Variants in WWOX observed in about 807,000 individuals in gnomAD.
WWOX encodes WW domain containing oxidoreductase.
WWOX carries 69 observed loss-of-function variants against 46.2 expected under a neutral mutation model. The ratio of observed to expected loss-of-function variants is 1.49; its 90% CI spans 1.23 to 1.82. The LOEUF is 1.82. WWOX is among the 40% of genes most tolerant of loss of function. The pLI is 0.00. For missense variants in WWOX, 919 were observed against 542.6 expected, an observed-to-expected ratio of 1.69 and a Z score of -6.89; for synonymous variants, 359 against 202.6, an observed-to-expected ratio of 1.77 and a Z score of -6.56.
At chr16:78,726,175 T>G (rs934116437) in intron 8 of WWOX, among the ~76,000 whole-genome samples, 2 of 146,370 alleles carry the variant, frequency 1.4e-5, no homozygotes, top group African/African-American at 5.0e-5. Flanking sequence ...GTCTCTCTTT[T>G]CTCTCTCTCT....
At chr16:78,653,274 G>A (rs1474531380) in intron 8 of WWOX, among the ~76,000 whole-genome samples, 1 of 151,958 alleles carries the variant, frequency 6.6e-6, no homozygotes, top group African/African-American at 2.4e-5. Flanking sequence ...CCCTAGTGTT[G>A]GATAGCTAGG....
intron 5 of WWOX, among the ~76,000 whole-genome samples, chr16:78,180,062 G>T (rs887430595): frequency 6.6e-5 from 10 of 152,096 alleles, no homozygotes; most frequent in African/African-American, 1.9e-4. Context: ...TGTGTGAATT[G>T]GTTTCATGTT....
intron 8 of WWOX, chr16:79,090,017 G>T (rs1010887903): frequency 6.6e-6 from 1 of 152,214 alleles, no homozygotes; most frequent in Non-Finnish European, 1.5e-5. Context: ...TAAGGAACTG[G>T]CTTTGACAGG....
intron 5 of WWOX, among the ~76,000 whole-genome samples, chr16:78,269,913 A>AGTTTTTT (rs1555511798): frequency 1.0e-5 from 1 of 95,570 alleles, no homozygotes; most frequent in East Asian, 4.1e-4. Context: ...TACATAAGGA[A>AGTTTTTT]GTTTTTTTTT....
At chr16:78,435,141 G>C (rs1233815059) in intron 8 of WWOX, among the ~76,000 whole-genome samples, 1 of 152,120 alleles carries the variant, frequency 6.6e-6, no homozygotes, top group East Asian at 1.9e-4. Flanking sequence ...CTCAGGACTT[G>C]GGCTGAGTGG....
intron 8 of WWOX, among the ~76,000 whole-genome samples, chr16:78,990,545 T>G (rs755856366): frequency 6.6e-6 from 1 of 152,234 alleles, no homozygotes; most frequent in Admixed American, 6.5e-5. Context: ...AACAGCTCTT[T>G]GTTTACACCG....
chr16:78,381,537 G>A (rs1427835351), intron 5 of WWOX, among the ~76,000 whole-genome samples: 1 of 102,406 alleles, frequency 9.8e-6, no homozygotes, highest in Non-Finnish European at 2.0e-5. Flanking sequence ...CCACCTGTGT[G>A]GCTCTGTTTT....
At chr16:78,347,494 T>C (rs2081114356) in intron 5 of WWOX, among the ~76,000 whole-genome samples, 1 of 117,956 alleles carries the variant, frequency 8.5e-6, no homozygotes, top group South Asian at 2.6e-4. Flanking sequence ...ATATCATTGC[T>C]ATCCCTCCTC....
intron 8 of WWOX, among the ~76,000 whole-genome samples, chr16:78,949,828 A>G (rs2046022651): frequency 6.6e-6 from 1 of 152,238 alleles, no homozygotes; most frequent in Admixed American, 6.5e-5. Context: ...TCTCCGTTGT[A>G]GATTCTGACA....
chr16:78,772,646 C>T (rs939988424), intron 8 of WWOX, among the ~76,000 whole-genome samples: 2 of 152,176 alleles, frequency 1.3e-5, no homozygotes, highest in Non-Finnish European at 2.9e-5. Context: ...CTACTACTAG[C>T]TAATTCCAGG....
At chr16:78,660,601 C>T (rs2047187345) in intron 8 of WWOX, among the ~76,000 whole-genome samples, 1 of 152,022 alleles carries the variant, frequency 6.6e-6, no homozygotes, top group African/African-American at 2.4e-5. Flanking sequence ...GTTTTGCTTG[C>T]CACCAGCTCC....
At position 78,099,808 on chromosome 16, in the gene WWOX, C is replaced by G. The variant is rs373146723; in HGVS notation, c.30C>G (p.Asp10Glu). Reference sequence around the variant, plus strand: ...CAGCGCTGCGCTACGCGGGGCTGGACGACACGGACAGTGAGGACGAGCTGC... The same window carrying G: ...CAGCGCTGCGCTACGCGGGGCTGGAGGACACGGACAGTGAGGACGAGCTGC... MAALRYAGL[D>E]DTDSEDELPP... is the part of the protein sequence containing the mutation. Residue 10 changes from aspartate to glutamate, a missense_variant, in exon 1 of 9, where the codon GAC (aspartate) becomes GAG (glutamate). Asp to Glu is a conservative substitution (Grantham distance 45, BLOSUM62 2). Transcript: ENST00000566780. 9 of 1,574,556 alleles carry G rather than the reference C, an allele frequency of 5.7e-6. No homozygotes were observed. Among genetic ancestry groups the G allele is most frequent in the South Asian group, 1.2e-5 (1 of 85,252 alleles).
At chr16:78,558,327 G>C (rs914521626) in intron 8 of WWOX, among the ~76,000 whole-genome samples, 4 of 152,190 alleles carry the variant, frequency 2.6e-5, no homozygotes. Context: ...CTTTGGTTTG[G>C]CCTGCTGAAG....
intron 8 of WWOX, among the ~76,000 whole-genome samples, chr16:78,912,041 C>G (rs1204219526): frequency 2.0e-5 from 3 of 152,028 alleles, no homozygotes; most frequent in Non-Finnish European, 2.9e-5. Context: ...CAGGGCAAAG[C>G]TACCTAGGTT....
Position 79,040,493 on chromosome 16 carries a change from C to T in WWOX, c.1057-171115C>T, listed in dbSNP as rs550242477. On this transcript the variant is annotated intron_variant, in intron 8 of 8. Coordinates refer to ENST00000566780, the MANE Select transcript of WWOX (RefSeq NM_016373.4). Reference sequence around the variant, plus strand: ...CCTTCACTATGTTGCCCAGGCTGGTCTCGAACTCCTGAGCTCAGGTGATCT... The same window carrying T: ...CCTTCACTATGTTGCCCAGGCTGGTTTCGAACTCCTGAGCTCAGGTGATCT... Among the ~76,000 whole-genome samples, 86 of 152,124 alleles carry T rather than the reference C, an allele frequency of 5.7e-4. 1 individual carries two copies. The South Asian group carries it at 0.013, about 23-fold the overall frequency.
chr16:78,928,075 G>C (rs2045539473), intron 8 of WWOX, among the ~76,000 whole-genome samples: 1 of 152,004 alleles, frequency 6.6e-6, no homozygotes. Flanking sequence ...TGGATACTGT[G>C]GTCGCCTGGA....
chr16:78,424,383 G>C (rs1364361053), intron 6 of WWOX, among the ~76,000 whole-genome samples: 2 of 152,258 alleles, frequency 1.3e-5, no homozygotes, highest in East Asian at 3.9e-4. Context: ...GCCTCCCAAA[G>C]TGCTGGGATT....
At chr16:78,240,048 C>G (rs527902899) in intron 5 of WWOX, among the ~76,000 whole-genome samples, 2 of 152,212 alleles carry the variant, frequency 1.3e-5, no homozygotes, top group African/African-American at 4.8e-5. Context: ...TCCCCAAAAT[C>G]CACACCCACA....
intron 8 of WWOX, among the ~76,000 whole-genome samples, chr16:78,814,801 T>G (rs1443471341): frequency 6.6e-6 from 1 of 152,214 alleles, no homozygotes; most frequent in African/African-American, 2.4e-5. Context: ...GTTGGGGAAC[T>G]GTGGGCGTTG....
Sources: gnomAD v4.1 joint callset for allele counts (sites outside exome capture counted in the v4.1 genomes callset) on GRCh38, gnomAD v4.1.1 for gene constraint, MANE v1.5 for transcripts, NCBI Gene and HGNC (gene_info 2026-07-23, HGNC 2026-07-21) for gene names.